Variants in NR1D2 observed in about 807,000 individuals in gnomAD.
NR1D2 encodes nuclear receptor subfamily 1 group D member 2, also known as V-erbA-related protein 1-related.
NR1D2 carries 25 observed loss-of-function variants against 52.2 expected under a neutral mutation model. The observed-to-expected ratio is 0.48, with a 90% CI of 0.35 to 0.67. The LOEUF (loss-of-function observed/expected upper bound fraction) is 0.67, where lower values mean the gene tolerates loss of function less well. NR1D2 is among the 30% of genes least tolerant of loss of function. The pLI is 0.01. For missense variants in NR1D2, 681 were observed against 707.2 expected, an observed-to-expected ratio of 0.96 and a Z score of 0.42; for synonymous variants, 259 against 230.1, an observed-to-expected ratio of 1.13 and a Z score of -1.14.
intron 7 of NR1D2, among the ~76,000 whole-genome samples, chr3:23,968,313 G>T (rs1168558328): frequency 6.6e-6 from 1 of 152,118 alleles, no homozygotes; most frequent in Non-Finnish European, 1.5e-5. Context: ...TTTATTTCAT[G>T]AATTTGTTAG....
rs1330644680 is a variant in NR1D2, at chr3:23,979,808, G to T, written c.*2389G>T. 1 of 152,100 alleles carries T rather than the reference G, an allele frequency of 6.6e-6. No individual in the cohort carries two copies. Among genetic ancestry groups the T allele is most frequent in the Non-Finnish European group, 1.5e-5 (1 of 67,962 alleles). The allele number at this position is 152,100 out of a possible 1,614,324, so 9.4% of individuals were successfully genotyped here. On this transcript the variant is annotated 3_prime_UTR_variant, in exon 8 of 8. Coordinates refer to ENST00000312521, the MANE Select transcript of NR1D2 (RefSeq NM_005126.5). ...AATGCAGAGAAAGCAGCCAATTTAG[G>T]AAACTTCTGAGTTGGTGGGACACTG...
chr3:23,966,313 C>T (rs577164473), intron 6 of NR1D2, among the ~76,000 whole-genome samples: 18 of 152,252 alleles, frequency 1.2e-4, no homozygotes, highest in African/African-American at 3.6e-4. Context: ...AATTGTTAAC[C>T]GATTTAACTT....
chr3:23,946,047 T>A, intron 1 of NR1D2: 1 of 953,274 alleles, frequency 1.0e-6, no homozygotes. Flanking sequence ...GCGCGCGCGC[T>A]GGCTGGGAGC....
At chr3:23,968,756 C>T (rs187481548) in intron 7 of NR1D2, among the ~76,000 whole-genome samples, 3 of 152,336 alleles carry the variant, frequency 2.0e-5, no homozygotes, top group African/African-American at 7.2e-5. Context: ...GAGATTGTTA[C>T]TCCCAATAAC....
At chr3:23,973,520 C>T (rs749212282) in intron 7 of NR1D2, among the ~76,000 whole-genome samples, 5 of 152,102 alleles carry the variant, frequency 3.3e-5, no homozygotes, top group African/African-American at 1.2e-4. Flanking sequence ...GGGCATTTAC[C>T]ATGAATGCAG....
At chr3:23,951,004 C>G (rs184319075) in intron 1 of NR1D2, among the ~76,000 whole-genome samples, 2 of 149,152 alleles carry the variant, frequency 1.3e-5, no homozygotes, top group African/African-American at 4.9e-5. Context: ...CTCCCGGGTT[C>G]AAGTGATTCT....
intron 1 of NR1D2, chr3:23,946,357 G>GCCCT: frequency 1.1e-6 from 1 of 928,130 alleles, no homozygotes; most frequent in Non-Finnish European, 1.3e-6. Flanking sequence ...CAGGACGAGG[G>GCCCT]CGTGCTGCAG....
At chr3:23,951,463 G>GA in intron 1 of NR1D2, among the ~76,000 whole-genome samples, 1 of 152,326 alleles carries the variant, frequency 6.6e-6, no homozygotes, top group East Asian at 1.9e-4. Context: ...GTCCTATTGT[G>GA]AGTGGAGACA....
chr3:23,964,147 C>T (rs559852233), intron 5 of NR1D2, among the ~76,000 whole-genome samples: 7 of 150,848 alleles, frequency 4.6e-5, no homozygotes, highest in East Asian at 3.9e-4. Flanking sequence ...GGTATGATCT[C>T]GGCTCACTGC....
rs997847546 is a variant in NR1D2, at chr3:23,959,911, C to G, written c.517+96C>G. On this transcript the variant is annotated intron_variant, in intron 4 of 7. Coordinates refer to ENST00000312521, the MANE Select transcript of NR1D2 (RefSeq NM_005126.5). ...AGCTATAAACCGGTTACCAAGGACC[C>G]TCTTGTATTTAAGGTGAAGCAGAAA... 3.5e-6 allele frequency: 4 copies of G among 1,136,828 alleles called. No homozygotes were observed. The African/African-American group carries it at 6.3e-5, about 18-fold the overall frequency. The allele number at this position is 1,136,828 out of a possible 1,614,324, so 70.4% of individuals were successfully genotyped here.
chr3:23,964,780 C>G (rs1575155530), intron 5 of NR1D2, 197 bp from the exon 6 acceptor site: 2 of 439,708 alleles, frequency 4.5e-6, no homozygotes. Context: ...AAGTTAATTG[C>G]TATTTATATT....
chr3:23,978,346 A>G lies in NR1D2; in HGVS notation c.*927A>G, dbSNP rs1575163714. 1 of 152,306 alleles carries G rather than the reference A, an allele frequency of 6.6e-6. No homozygotes were observed. Among genetic ancestry groups the G allele is most frequent in the African/African-American group, 2.4e-5 (1 of 41,556 alleles). The allele number at this position is 152,306 out of a possible 1,614,324, so 9.4% of individuals were successfully genotyped here. ...GTGTCAAAAGACCCAAATTAGGTGC[A>G]TTTTACTTGTTTATGATGGCATAAC... On this transcript the variant is annotated 3_prime_UTR_variant, in exon 8 of 8. Coordinates refer to ENST00000312521, the MANE Select transcript of NR1D2 (RefSeq NM_005126.5).
intron 1 of NR1D2, among the ~76,000 whole-genome samples, chr3:23,948,266 A>G (rs893387063): frequency 6.6e-6 from 1 of 152,182 alleles, no homozygotes. Context: ...CTGTAATCTT[A>G]CTGTCCTTCG....
At chr3:23,964,755 C>CT (rs1277930844) in intron 5 of NR1D2, 304 of 394,892 alleles carry the variant, frequency 7.7e-4, no homozygotes, top group Middle Eastern at 1.4e-3. Context: ...TTTGCTTAGG[C>CT]TTTTTTTTAA....
At chr3:23,946,036 C>CGG (rs1705684453) in intron 1 of NR1D2, 1 of 909,262 alleles carries the variant, frequency 1.1e-6, no homozygotes, top group African/African-American at 1.8e-5. Context: ...CGGGGGCGCG[C>CGG]GCGCGCGCGC....
In NR1D2 at chr3:23,962,446, T is replaced by G. The variant is rs1457356204; in HGVS notation, c.987T>G (p.His329Gln). Residue 329 changes from histidine to glutamine, a missense_variant, in exon 5 of 8, where the codon CAT becomes CAG. His to Gln is a conservative substitution (Grantham distance 24). Transcript: ENST00000312521. ...AGTTCAAAGGGAGGAATATAATGCA[T>G]TACCCAAATGGTCATGCCATTTGTA... ...NGQFKGRNIM[H>Q]YPNGHAICIA... 6.2e-7 allele frequency: 1 copy of G among 1,614,192 alleles called. No individual in the cohort carries two copies. The highest frequency in any genetic ancestry group is 8.5e-7 in the Non-Finnish European group (1 of 1,180,024).
chr3:23,958,077 A>G lies in NR1D2; in HGVS notation c.373-1594A>G, dbSNP rs147375954. On this transcript the variant is annotated intron_variant, in intron 3 of 7. Transcript: ENST00000312521. Reference sequence around the variant, plus strand: ...GAGATCTTTGGAGACCTATCACAGAACATGTACTGGAATTGTTTGTGTGTG... The same window carrying G: ...GAGATCTTTGGAGACCTATCACAGAGCATGTACTGGAATTGTTTGTGTGTG... 3.2e-4 allele frequency among the ~76,000 whole-genome samples: 49 copies of G among 152,328 alleles called. No homozygotes were observed. In the Middle Eastern group the frequency reaches 0.01, roughly 32 times the overall value.
chr3:23,952,956 G>T (rs1705982469), intron 1 of NR1D2, among the ~76,000 whole-genome samples: 2 of 146,106 alleles, frequency 1.4e-5, no homozygotes, highest in Non-Finnish European at 1.5e-5. Flanking sequence ...TTCTCTGCCT[G>T]TTTTTTTTTT....
intron 7 of NR1D2, among the ~76,000 whole-genome samples, chr3:23,972,377 C>CT (rs772968994): frequency 2.0e-5 from 3 of 152,132 alleles, no homozygotes; most frequent in Non-Finnish European, 4.4e-5. Flanking sequence ...GCTCTAGCTG[C>CT]TAAGGGGGAG....
Sources: gnomAD v4.1 joint callset for allele counts (sites outside exome capture counted in the v4.1 genomes callset) on GRCh38, gnomAD v4.1.1 for gene constraint, MANE v1.5 for transcripts, NCBI Gene and HGNC (gene_info 2026-07-23, HGNC 2026-07-21) for gene names.